Variants in PYY observed in about 807,000 individuals in gnomAD.
PYY encodes the protein peptide tyrosine tyrosine.
PYY carries 12 observed loss-of-function variants against 10.3 expected under a neutral mutation model. That is an observed-to-expected ratio of 1.17 (90% CI 0.75 to 1.89). The LOEUF (loss-of-function observed/expected upper bound fraction) is 1.89, where lower values mean the gene tolerates loss of function less well. Ranked by LOEUF, PYY falls within the 40% of genes most tolerant of loss-of-function variation. PYY has a pLI of 0.00. For missense variants in PYY, 141 were observed against 134.0 expected (o/e 1.05, Z -0.26); for synonymous variants, 66 against 62.0 (o/e 1.06, Z -0.30).
chr17:43,999,538 G>T (rs115157787), intron 1 of PYY, among the ~76,000 whole-genome samples: 1 of 151,974 alleles, frequency 6.6e-6, no homozygotes, highest in African/African-American at 2.4e-5. Flanking sequence ...AAGGTGAGGA[G>T]GGCAGATCAC....
At chr17:43,970,201 TAA>T (rs59609569) in intron 1 of PYY, among the ~76,000 whole-genome samples, 47,574 of 94,212 alleles carry the variant, frequency 0.5, 12,560 homozygotes, top group South Asian at 0.63. Context: ...CCCTGTCTCT[TAA>T]AAAAAAAAAA....
intron 1 of PYY, among the ~76,000 whole-genome samples, chr17:44,004,044 T>G (rs2049051659): frequency 6.6e-6 from 1 of 152,062 alleles, no homozygotes; most frequent in South Asian, 2.1e-4. Context: ...AGATGTGATA[T>G]TCGATAAAGA....
chr17:43,960,354 C>A (rs1207181100), intron 2 of PYY, among the ~76,000 whole-genome samples: 5 of 151,134 alleles, frequency 3.3e-5, no homozygotes, highest in Non-Finnish European at 2.9e-5. Context: ...ACCAGCCTGG[C>A]CAACATGGTG....
chr17:43,980,688 G>C (rs1248466453), intron 1 of PYY, among the ~76,000 whole-genome samples: 1 of 151,708 alleles, frequency 6.6e-6, no homozygotes, highest in African/African-American at 2.4e-5. Context: ...TGGCCAGGCT[G>C]TTCTTGAACT....
chr17:43,953,385 G>A lies in PYY; in HGVS notation c.99C>T (p.Pro33=). 6.2e-7 allele frequency: 1 copy of A among 1,612,624 alleles called. No individual in the cohort carries two copies. Among genetic ancestry groups the A allele is most frequent in the Non-Finnish European group, 8.5e-7 (1 of 1,179,512 alleles). Residue 33 remains proline (P), a synonymous_variant, in exon 2 of 4, where the codon CCC becomes CCT. Transcript: ENST00000692052. ...GALVDAYPIK[P]EAPREDASPE... ...GCGAGGCGTCTTCGCGGGGAGCCTCGGGTTTGATGGGGTAGGCGTCGACCA... is the reference window on the plus strand; with the variant it reads ...GCGAGGCGTCTTCGCGGGGAGCCTCAGGTTTGATGGGGTAGGCGTCGACCA...
chr17:43,980,488 T>C (rs2048877136), intron 1 of PYY, among the ~76,000 whole-genome samples: 1 of 151,416 alleles, frequency 6.6e-6, no homozygotes, highest in African/African-American at 2.4e-5. Context: ...TGTTTTGTTT[T>C]TTTTGAGACA....
chr17:44,000,234 C>G (rs944078623), intron 1 of PYY, among the ~76,000 whole-genome samples: 6 of 152,308 alleles, frequency 3.9e-5, no homozygotes, highest in Non-Finnish European at 7.4e-5. Flanking sequence ...ATGTCTTTCT[C>G]TAGCCATCAT....
chr17:43,994,582 G>C (rs974720204), intron 1 of PYY, among the ~76,000 whole-genome samples: 2 of 152,216 alleles, frequency 1.3e-5, no homozygotes, highest in Admixed American at 1.3e-4. Flanking sequence ...CTCGAACCTC[G>C]CGTTTTGATC....
chr17:43,987,333 AAGC>A lies in PYY; in HGVS notation c.-463+17055_-463+17057del, dbSNP rs2048922225. 6.6e-6 allele frequency among the ~76,000 whole-genome samples: 1 copy of A among 152,112 alleles called. No individual in the cohort carries two copies. The highest frequency in any genetic ancestry group is 6.5e-5 in the Admixed American group (1 of 15,276). ...AGCCCCTGAGACTGAGCTTCATCAG[AAGC>A]AGCTGCCTCCAGGACTCTAGCCCTG... On this transcript the variant is annotated intron_variant, in intron 1 of 6. Transcript: ENST00000360085. This position sits in a 1 kb window ranked among gnomAD's most constrained non-coding sequence, Gnocchi z 4.0.
chr17:43,967,585 T>G (rs900776417), intron 1 of PYY, among the ~76,000 whole-genome samples: 3 of 152,170 alleles, frequency 2.0e-5, no homozygotes, highest in Non-Finnish European at 4.4e-5. Flanking sequence ...ATCGGCCACA[T>G]GTATATAACA....
rs529576435 is a variant in PYY at position 43,986,683 on chromosome 17, G to C, written c.-463+17708C>G. Among the ~76,000 whole-genome samples, 15 of 152,286 alleles carry C rather than the reference G, an allele frequency of 9.8e-5. No individual in the cohort carries two copies. The South Asian group carries it at 3.1e-3, about 32-fold the overall frequency. ...CAGATATTGGGGAAAAAAACACAGA[G>C]CAGGGGTTCATTATACCCTTCCCAG... On this transcript the variant is annotated intron_variant, in intron 1 of 6. Transcript: ENST00000360085.
upstream of PYY, among the ~76,000 whole-genome samples, chr17:43,954,918 T>G (rs1396045630): frequency 6.6e-6 from 1 of 152,236 alleles, no homozygotes; most frequent in African/African-American, 2.4e-5. Flanking sequence ...GCTGAGTTTA[T>G]CTCCATTTTC....
rs2048641830 is a variant in PYY at position 43,952,981 on chromosome 17, C to T, written c.270-1G>A. 2 of 1,566,926 alleles carry T rather than the reference C, an allele frequency of 1.3e-6. No individual in the cohort carries two copies. Among genetic ancestry groups the T allele is most frequent in the African/African-American group, 1.4e-5 (1 of 73,368 alleles). ...TCACCACAGGTCTGGGCCCTCCGAC[C>T]TGCGGAAGCGAAGGGGAAGGAATTG... is the stretch of plus-strand genomic sequence containing the variant. On this transcript the variant is annotated splice_acceptor_variant, in intron 3 of 3. Transcript: ENST00000692052. LOFTEE classifies it high-confidence loss of function.
chr17:43,979,707 TTGCATATCC>T (rs2048870438), intron 1 of PYY, among the ~76,000 whole-genome samples: 1 of 148,700 alleles, frequency 6.7e-6, no homozygotes, highest in African/African-American at 2.5e-5. Context: ...ATATATATAA[TTGCATATCC>T]TGCGCAATCA....
At chr17:43,977,778 G>A (rs12450959) in intron 1 of PYY, among the ~76,000 whole-genome samples, 40,169 of 152,004 alleles carry the variant, frequency 0.26, 8,355 homozygotes, top group East Asian at 0.69. Context: ...TGCTGTCCCA[G>A]AGCCTGGGGC....
rs1028801895 is a variant in PYY, at chr17:44,001,488, C to A, written c.-463+2903G>T. Among the ~76,000 whole-genome samples, 3 of 150,502 alleles carry A rather than the reference C, an allele frequency of 2.0e-5. No homozygotes were observed. The East Asian group carries it at 5.8e-4, about 29-fold the overall frequency. ...GGGTGGGGCTGGGTAGGAGTGCTGA[C>A]CCCAGACACTCACACTCTTCTCCTC... On this transcript the variant is annotated intron_variant, in intron 1 of 6. Coordinates refer to the PYY transcript ENST00000360085.
chr17:44,000,967 C>T (rs116673760), intron 1 of PYY, among the ~76,000 whole-genome samples: 65 of 152,282 alleles, frequency 4.3e-4, no homozygotes, highest in African/African-American at 1.6e-3. Flanking sequence ...GTCTGTGTGA[C>T]TGTGGCTGGT....
At chr17:43,981,396 A>G (rs1597853771) in intron 1 of PYY, among the ~76,000 whole-genome samples, 1 of 152,098 alleles carries the variant, frequency 6.6e-6, no homozygotes, top group East Asian at 1.9e-4. Context: ...TTGTCTTTTC[A>G]TTTTAGTCAT....
At chr17:43,965,220 C>A (rs2048745957) in intron 2 of PYY, among the ~76,000 whole-genome samples, 1 of 151,948 alleles carries the variant, frequency 6.6e-6, no homozygotes, top group Admixed American at 6.6e-5. Context: ...GTGGCTCACA[C>A]CTGTAATCCC....
Sources: gnomAD v4.1 joint callset for allele counts (sites outside exome capture counted in the v4.1 genomes callset) on GRCh38, gnomAD v4.1.1 for gene constraint, Gnocchi (gnomAD v3.1) non-coding constraint, MANE v1.5 for transcripts, NCBI Gene and HGNC (gene_info 2026-07-23, HGNC 2026-07-21) for gene names.